DPP6: variants seen among roughly 807,000 people sequenced by gnomAD.
DPP6 encodes A-type potassium channel modulatory protein DPP6.
In DPP6, 69 loss-of-function variants were observed where a neutral mutation model predicts 122.6. That is an observed-to-expected ratio of 0.56 (90% CI 0.46 to 0.69). DPP6 has a LOEUF of 0.69. Ranked by LOEUF, DPP6 falls within the 30% of genes least tolerant of loss-of-function variation. The probability of loss-of-function intolerance (pLI) is 0.00; values close to 1 mark genes in which losing one functional copy is unlikely to be tolerated. For synonymous variants in DPP6, 418 were observed against 433.1 expected, an observed-to-expected ratio of 0.97 and a Z score of 0.43; for missense variants, 928 against 1,116.9, an observed-to-expected ratio of 0.83 and a Z score of 2.41.
chr7:154,823,205 G>A (rs1235873692), intron 16 of DPP6, among the ~76,000 whole-genome samples: 1 of 152,094 alleles, frequency 6.6e-6, no homozygotes, highest in Non-Finnish European at 1.5e-5. Flanking sequence ...CTGGAACTGT[G>A]AACACTGATT....
chr7:154,345,902 G>T (rs566993203), intron 1 of DPP6, among the ~76,000 whole-genome samples: 1 of 152,112 alleles, frequency 6.6e-6, no homozygotes, highest in African/African-American at 2.4e-5. Flanking sequence ...TCATTTCTTC[G>T]CATGCAAAGT....
At chr7:154,477,144 A>G (rs1822816555) in intron 3 of DPP6, among the ~76,000 whole-genome samples, 1 of 152,142 alleles carries the variant, frequency 6.6e-6, no homozygotes, top group Admixed American at 6.5e-5. Flanking sequence ...TAATCATTGC[A>G]GAGTTACTTC....
rs2150654295 is a variant in DPP6, at chr7:154,875,837, G to A, written c.1884-69G>A. On this transcript the variant is annotated intron_variant, in intron 19 of 25. Transcript: ENST00000377770. This position sits in a 1 kb window ranked among gnomAD's most constrained non-coding sequence, Gnocchi z 4.5. ...AAATCCCTTACGGGGGTCATCTGAC[G>A]TGGCAGCTGCTAGACCAGCCGCCAC... 2.0e-5 allele frequency: 31 copies of A among 1,544,402 alleles called. No individual in the cohort carries two copies. The highest frequency in any genetic ancestry group is 9.5e-5 in the South Asian group (8 of 83,812).
the DPP6 span, among the ~76,000 whole-genome samples, chr7:153,776,550 G>A: frequency 1.3e-5 from 2 of 151,904 alleles, no homozygotes; most frequent in Non-Finnish European, 1.5e-5. Context: ...CCCAGTCCTG[G>A]GTATGTCTTT....
chr7:154,270,251 A>G (rs1173675179), intron 1 of DPP6, among the ~76,000 whole-genome samples: 1 of 152,206 alleles, frequency 6.6e-6, no homozygotes, highest in Non-Finnish European at 1.5e-5. Flanking sequence ...GTTTTGCAGC[A>G]TGTGCCGTAA....
chr7:154,474,866 C>G (rs1822587040), intron 2 of DPP6, 73 bp from the exon 3 acceptor site: 1 of 1,165,442 alleles, frequency 8.6e-7, no homozygotes, highest in Non-Finnish European at 1.3e-6. Flanking sequence ...AAATGACAAT[C>G]AGAATGTTTA....
At chr7:154,825,861 C>G (rs983856540) in intron 16 of DPP6, among the ~76,000 whole-genome samples, 3 of 152,330 alleles carry the variant, frequency 2.0e-5, no homozygotes, top group Middle Eastern at 3.4e-3. Context: ...AGATCAGGGT[C>G]ACACATTTAT....
chr7:154,409,533 A>G (rs1431423624), intron 1 of DPP6, among the ~76,000 whole-genome samples: 4 of 152,166 alleles, frequency 2.6e-5, no homozygotes, highest in African/African-American at 4.8e-5. Flanking sequence ...TTTCATTACA[A>G]TCCAATTCTA....
At chr7:153,979,825 C>A (rs192160058) in intron 1 of DPP6, among the ~76,000 whole-genome samples, 7 of 152,272 alleles carry the variant, frequency 4.6e-5, no homozygotes, top group Non-Finnish European at 8.8e-5. Context: ...GTCACTGATT[C>A]TGTTTATGTG....
chr7:154,297,071 TTTTTTG>T (rs1805586377), intron 1 of DPP6, among the ~76,000 whole-genome samples: 1 of 139,158 alleles, frequency 7.2e-6, no homozygotes, highest in Non-Finnish European at 1.5e-5. Flanking sequence ...CTGTTTTTTT[TTTTTTG>T]TTTTGTTTTT....
chr7:153,901,465 A>C (rs552531519), intron 1 of DPP6, among the ~76,000 whole-genome samples: 1 of 152,326 alleles, frequency 6.6e-6, no homozygotes, highest in South Asian at 2.1e-4. Flanking sequence ...ACAGAATCTC[A>C]GATAATCACT....
chr7:153,782,451 GAA>G, the DPP6 span, among the ~76,000 whole-genome samples: 9 of 152,208 alleles, frequency 5.9e-5, no homozygotes, highest in Non-Finnish European at 1.2e-4. Flanking sequence ...GCATCACAGA[GAA>G]AGAGAGCAGC....
intron 1 of DPP6, among the ~76,000 whole-genome samples, chr7:154,123,881 C>T (rs1324950031): frequency 7.3e-5 from 11 of 150,002 alleles, no homozygotes; most frequent in African/African-American, 2.2e-4. Flanking sequence ...TTACCTGGGA[C>T]AGATGTGCCA....
chr7:154,809,154 T>A (rs1398284690), intron 16 of DPP6, among the ~76,000 whole-genome samples: 1 of 152,158 alleles, frequency 6.6e-6, no homozygotes, highest in Admixed American at 6.5e-5. Flanking sequence ...AGTTGTGATA[T>A]GAAGGAGTGA....
At chr7:153,790,058 C>G in the DPP6 span, among the ~76,000 whole-genome samples, 463 of 152,036 alleles carry the variant, frequency 3.0e-3, no homozygotes, top group African/African-American at 0.011. Context: ...AATAAGTTAA[C>G]TACAAAATGA....
chr7:154,724,901 TA>T (rs1316701688), intron 7 of DPP6, among the ~76,000 whole-genome samples: 5 of 152,136 alleles, frequency 3.3e-5, no homozygotes, highest in Non-Finnish European at 1.5e-5. Context: ...ACTGGACACT[TA>T]AAATGGTTAA....
intron 5 of DPP6, among the ~76,000 whole-genome samples, chr7:154,627,240 A>G (rs186645332): frequency 8.6e-4 from 115 of 134,198 alleles, no homozygotes; most frequent in African/African-American, 3.2e-3. Context: ...CTGTCGCCCA[A>G]GCTGGAGTGC....
At chr7:154,224,581 G>A (rs7805506) in intron 1 of DPP6, among the ~76,000 whole-genome samples, 8,281 of 148,962 alleles carry the variant, frequency 0.056, 1,625 homozygotes, top group African/African-American at 0.2. Flanking sequence ...ATATTCTAAA[G>A]TTTGCTGTGT....
At chr7:153,921,251 C>G (rs377547169) in intron 1 of DPP6, among the ~76,000 whole-genome samples, 1 of 152,172 alleles carries the variant, frequency 6.6e-6, no homozygotes, top group African/African-American at 2.4e-5. Context: ...CGGCAAGAGC[C>G]GGGAGCAAGC....
Sources: gnomAD v4.1 joint callset for allele counts (sites outside exome capture counted in the v4.1 genomes callset) on GRCh38, gnomAD v4.1.1 for gene constraint, Gnocchi (gnomAD v3.1) non-coding constraint, MANE v1.5 for transcripts, NCBI Gene and HGNC (gene_info 2026-07-23, HGNC 2026-07-21) for gene names.